The following NDUFAF6 variants were observed in gnomAD, a reference collection of about 807,000 sequenced individuals.
NDUFAF6 encodes NADH dehydrogenase (ubiquinone) complex I, assembly factor 6.
In NDUFAF6, 45 loss-of-function variants were observed where a neutral mutation model predicts 40.8. The ratio of observed to expected loss-of-function variants is 1.10; its 90% CI spans 0.87 to 1.42. The LOEUF is 1.42. Among genes scored for constraint, NDUFAF6 ranks in the 40% most tolerant of loss-of-function variants. NDUFAF6 has a pLI of 0.00. For missense variants in NDUFAF6, 435 were observed against 418.5 expected (o/e 1.04, Z -0.34); for synonymous variants, 185 against 155.9 (o/e 1.19, Z -1.39).
At chr8:95,093,791 A>G (rs558256725) in intron 2 of NDUFAF6, among the ~76,000 whole-genome samples, 2 of 152,362 alleles carry the variant, frequency 1.3e-5, no homozygotes, top group East Asian at 1.9e-4. Context: ...CAATGTCCTT[A>G]TAACAAATTC....
chr8:95,039,669 C>T (rs1055673637), intron 3 of NDUFAF6, among the ~76,000 whole-genome samples: 3 of 151,842 alleles, frequency 2.0e-5, no homozygotes, highest in Non-Finnish European at 4.4e-5. Context: ...GCTGTGTTGC[C>T]CAGGCTGGAG....
chr8:94,932,085 CT>C, intron 1 of NDUFAF6: 1 of 1,610,562 alleles, frequency 6.2e-7, no homozygotes, highest in Non-Finnish European at 8.5e-7. Flanking sequence ...GCCCGTGAGT[CT>C]TATAAGCAGC....
chr8:95,084,833 A>C (rs1808990599), intron 2 of NDUFAF6, among the ~76,000 whole-genome samples: 2 of 152,236 alleles, frequency 1.3e-5, no homozygotes, highest in Admixed American at 1.3e-4. Flanking sequence ...ACTTTCCCAC[A>C]AATAGAACTT....
downstream of NDUFAF6, among the ~76,000 whole-genome samples, chr8:95,063,063 A>C (rs2132017114): frequency 6.6e-6 from 1 of 152,352 alleles, no homozygotes; most frequent in East Asian, 1.9e-4. Context: ...TGAGGCTGGA[A>C]GGATAAGGAA....
chr8:95,011,143 C>T (rs1349255503), intron 2 of NDUFAF6, among the ~76,000 whole-genome samples: 3 of 152,338 alleles, frequency 2.0e-5, no homozygotes, highest in Admixed American at 1.3e-4. Context: ...TCCAGCTGGG[C>T]TCCATGTGTC....
At chr8:95,066,220 TC>T (rs1832698819) in intron 9 of NDUFAF6, among the ~76,000 whole-genome samples, 1 of 150,326 alleles carries the variant, frequency 6.7e-6, no homozygotes, top group East Asian at 2.0e-4. Context: ...CAAATGATCC[TC>T]CCACCTCAGC....
chr8:95,025,071 C>G lies in NDUFAF6; in HGVS notation c.63C>G (p.Cys21Trp). The change falls in exon 1 of 9, where the codon TGC (cysteine) becomes TGG (tryptophan). Residue 21 changes from cysteine to tryptophan, a missense_variant. By Grantham distance (215) the Cys-to-Trp change is radical. Coordinates refer to ENST00000396124, the MANE Select transcript of NDUFAF6 (RefSeq NM_152416.4). ...GPLRLGIPGL[C>W]CRRPPLGLYA... Reference sequence around the variant, plus strand: ...TGCGGCTTGGCATCCCCGGCCTGTGCTGCCGCCGGCCGCCTCTGGGTCTGT... The same window carrying G: ...TGCGGCTTGGCATCCCCGGCCTGTGGTGCCGCCGGCCGCCTCTGGGTCTGT... 6.9e-7 allele frequency: 1 copy of G among 1,442,842 alleles called. No individual in the cohort carries two copies. Among genetic ancestry groups the G allele is most frequent in the Non-Finnish European group, 9.0e-7 (1 of 1,108,866 alleles). 89.4% of individuals were successfully genotyped at this position (1,442,842 alleles called of 1,614,324 possible).
intron 1 of NDUFAF6, chr8:94,896,604 G>T (rs966742340): frequency 6.6e-6 from 1 of 152,066 alleles, no homozygotes; most frequent in Non-Finnish European, 1.5e-5. Context: ...CGGTAGCTCG[G>T]GCGGGCCGCG....
chr8:95,004,708 G>C (rs930695218), intron 2 of NDUFAF6, among the ~76,000 whole-genome samples: 14 of 152,050 alleles, frequency 9.2e-5, no homozygotes, highest in Non-Finnish European at 2.9e-5. Context: ...CTGTGATCCT[G>C]ACTAATAACA....
intron 1 of NDUFAF6, among the ~76,000 whole-genome samples, chr8:94,944,998 C>T (rs1006230399): frequency 1.6e-4 from 24 of 152,192 alleles, no homozygotes; most frequent in African/African-American, 5.1e-4. Flanking sequence ...AAACTGTCCA[C>T]TGAGGTAGCC....
intron 1 of NDUFAF6, among the ~76,000 whole-genome samples, chr8:94,934,079 A>G (rs1586706510): frequency 1.3e-5 from 2 of 148,442 alleles, no homozygotes; most frequent in African/African-American, 4.9e-5. Flanking sequence ...CTCTGTCTCA[A>G]AAAAAAAAAA....
chr8:94,935,126 GATAT>G (rs112603476), intron 1 of NDUFAF6, among the ~76,000 whole-genome samples: 1 of 97,806 alleles, frequency 1.0e-5, no homozygotes, highest in East Asian at 2.8e-4. Context: ...TAGGTAGATA[GATAT>G]AGATAGATAG....
intron 1 of NDUFAF6, among the ~76,000 whole-genome samples, chr8:94,912,061 C>T (rs1384419021): frequency 1.3e-5 from 2 of 152,128 alleles, no homozygotes; most frequent in Non-Finnish European, 2.9e-5. Context: ...GGAGGTATTA[C>T]CACCAGATAT....
chr8:94,960,227 A>C (rs1259529268), intron 1 of NDUFAF6, among the ~76,000 whole-genome samples: 1 of 152,202 alleles, frequency 6.6e-6, no homozygotes, highest in Non-Finnish European at 1.5e-5. Flanking sequence ...GAAGACGCGC[A>C]ACTCATTGGT....
chr8:95,012,851 T>C (rs1174846282), intron 2 of NDUFAF6, among the ~76,000 whole-genome samples: 1 of 151,880 alleles, frequency 6.6e-6, no homozygotes, highest in East Asian at 1.9e-4. Flanking sequence ...CCCCTTTTAA[T>C]GGGTAATAAA....
chr8:95,015,118 C>G (rs1827386580), intron 2 of NDUFAF6, among the ~76,000 whole-genome samples: 1 of 152,140 alleles, frequency 6.6e-6, no homozygotes, highest in Non-Finnish European at 1.5e-5. Flanking sequence ...GAGCATTTAC[C>G]AAAAGAAAGA....
chr8:95,118,213 T>C (rs991644634), downstream of NDUFAF6, among the ~76,000 whole-genome samples: 4 of 152,202 alleles, frequency 2.6e-5, no homozygotes, highest in African/African-American at 9.6e-5. Context: ...ACCAGATGCA[T>C]CCCAAGAGTG....
intron 1 of NDUFAF6, among the ~76,000 whole-genome samples, chr8:94,938,557 A>G (rs1318491368): frequency 6.6e-6 from 1 of 152,232 alleles, no homozygotes; most frequent in Non-Finnish European, 1.5e-5. Context: ...CCACCCCTCA[A>G]ACTCCAGAGA....
At chr8:95,069,266 C>T (rs941051952) in intron 9 of NDUFAF6, 4 of 151,880 alleles carry the variant, frequency 2.6e-5, no homozygotes, top group Non-Finnish European at 5.9e-5. Context: ...AAACAAACAA[C>T]AACAGTTATG....
Sources: allele counts gnomAD v4.1 joint callset (sites outside exome capture counted in the v4.1 genomes callset), GRCh38; gene constraint gnomAD v4.1.1; transcripts MANE v1.5; gene names NCBI Gene and HGNC (gene_info 2026-07-23, HGNC 2026-07-21).